RADIL: variants seen among roughly 807,000 people sequenced by gnomAD.
RADIL encodes ras-associating and dilute domain-containing protein.
RADIL carries 99 observed loss-of-function variants against 97.6 expected under a neutral mutation model. The observed-to-expected ratio is 1.01, with a 90% CI of 0.86 to 1.20. RADIL has a LOEUF of 1.20. Ranked by LOEUF, RADIL falls within the 50% of genes most tolerant of loss-of-function variation. The probability of loss-of-function intolerance (pLI) is 0.00; values close to 1 mark genes in which losing one functional copy is unlikely to be tolerated. For missense variants in RADIL, 1,765 were observed against 1,498.9 expected, an observed-to-expected ratio of 1.18 and a Z score of -2.93; for synonymous variants, 803 against 691.8, an observed-to-expected ratio of 1.16 and a Z score of -2.52.
Position 4,801,641 on chromosome 7 carries a change from G to C in RADIL, c.2842+12C>G, listed in dbSNP as rs770810396. 3 of 1,584,600 alleles carry C rather than the reference G, an allele frequency of 1.9e-6. No homozygotes were observed. Among genetic ancestry groups the C allele is most frequent in the South Asian group, 2.3e-5 (2 of 87,482 alleles). On this transcript the variant is annotated intron_variant, in intron 12 of 14. Coordinates refer to ENST00000399583, the MANE Select transcript of RADIL (RefSeq NM_018059.5). ...GGGGTGGGTTCCCGCCTGAGCACCA[G>C]GCAGGGCTCACCTTCCGGAGCTGCA...
chr7:4,873,940 ACCT>A lies in RADIL; in HGVS notation c.535+3662_535+3664del, dbSNP rs1386189376. 1.3e-5 allele frequency among the ~76,000 whole-genome samples: 2 copies of A among 151,972 alleles called. No individual in the cohort carries two copies. The highest frequency in any genetic ancestry group is 1.5e-5 in the Non-Finnish European group (1 of 68,004). On this transcript the variant is annotated intron_variant, in intron 2 of 14. Coordinates refer to ENST00000399583, the MANE Select transcript of RADIL (RefSeq NM_018059.5). This position sits in a 1 kb window ranked among gnomAD's most constrained non-coding sequence, Gnocchi z 4.3. ...ACAGTGAAAAACCCCTCGGCTTCCC[ACCT>A]CCTCCCCTTCTCTGGCTCTCAGTCG...
intron 2 of RADIL, among the ~76,000 whole-genome samples, chr7:4,870,117 G>A (rs1784219549): frequency 1.3e-5 from 2 of 152,212 alleles, no homozygotes; most frequent in Admixed American, 1.3e-4. Flanking sequence ...GCTAGCCTGG[G>A]CAACAGAGTA....
At chr7:4,847,584 G>C (rs182204009) in intron 2 of RADIL, among the ~76,000 whole-genome samples, 1 of 152,114 alleles carries the variant, frequency 6.6e-6, no homozygotes. Context: ...CAACAAGGGA[G>C]AAATAATCCA....
At position 4,822,684 on chromosome 7, in the gene RADIL, C is replaced by A; in HGVS notation, c.1455-130G>T. 1 of 1,087,490 alleles carries A rather than the reference C, an allele frequency of 9.2e-7. No homozygotes were observed. Among genetic ancestry groups the A allele is most frequent in the Admixed American group, 2.6e-5 (1 of 38,136 alleles). 67.4% of individuals were successfully genotyped at this position (1,087,490 alleles called of 1,614,324 possible). A position where few individuals can be genotyped will look rare whatever the true frequency, so the allele number is the denominator to read the frequency against. On this transcript the variant is annotated intron_variant, in intron 5 of 14. Coordinates refer to ENST00000399583, the MANE Select transcript of RADIL (RefSeq NM_018059.5). The surrounding 1 kb of genome is among the most constrained non-coding windows in gnomAD (Gnocchi z 5.3). Reference sequence around the variant, plus strand: ...AACAACTGCAACCATCAACCTGACACTGCTGGGCGGGGACGTTTAACAATA... The same window carrying A: ...AACAACTGCAACCATCAACCTGACAATGCTGGGCGGGGACGTTTAACAATA...
chr7:4,835,066 G>A lies in RADIL; in HGVS notation c.957C>T (p.Pro319=), dbSNP rs1410143599. Residue 319 remains proline (P), a synonymous_variant, in exon 4 of 15, where the codon CCC becomes CCT. Coordinates refer to ENST00000399583, the MANE Select transcript of RADIL (RefSeq NM_018059.5). The surrounding 1 kb of genome is among the most constrained non-coding windows in gnomAD (Gnocchi z 5.8). ...GQAAGRLVLE[P]IPGAHISVNF... is the part of the protein sequence containing the mutation. The stretch of plus-strand genomic sequence containing the variant: ...TGACGGAGATGTGCGCCCCGGGGAT[G>A]GGCTCCAGGACCAGCCTCCCCGCGG... The A allele has an allele frequency of 6.2e-7, 1 of 1,607,862 alleles. No homozygotes were observed. Among genetic ancestry groups the A allele is most frequent in the Non-Finnish European group, 8.5e-7 (1 of 1,177,714 alleles).
Position 4,834,118 on chromosome 7 carries a change from C to G in RADIL, c.1416+489G>C, listed in dbSNP as rs1258594636. Among the ~76,000 whole-genome samples, 13 of 152,168 alleles carry G rather than the reference C, an allele frequency of 8.5e-5. No homozygotes were observed. The highest frequency in any genetic ancestry group is 8.5e-4 in the Admixed American group (13 of 15,288). ...ACAAAAGGTGACGGGCCCTGCACCTCCAAACTCGGATCAGGGATGGCTCCA... is the reference window on the plus strand; with the variant it reads ...ACAAAAGGTGACGGGCCCTGCACCTGCAAACTCGGATCAGGGATGGCTCCA... On this transcript the variant is annotated intron_variant, in intron 4 of 14. Coordinates refer to ENST00000399583, the MANE Select transcript of RADIL (RefSeq NM_018059.5). This position sits in a 1 kb window ranked among gnomAD's most constrained non-coding sequence, Gnocchi z 6.0.
chr7:4,876,144 A>G (rs1784371751), intron 2 of RADIL, among the ~76,000 whole-genome samples: 1 of 151,972 alleles, frequency 6.6e-6, no homozygotes. Context: ...ATGCACCACC[A>G]TGCCTGGCTA....
chr7:4,802,608 A>G (rs1368995207), intron 11 of RADIL, among the ~76,000 whole-genome samples: 1 of 125,244 alleles, frequency 8.0e-6, no homozygotes, highest in Non-Finnish European at 1.7e-5. Context: ...CTCCCCGGGT[A>G]CCTCGGGGCA....
chr7:4,822,253 G>T lies in RADIL; in HGVS notation c.1615+141C>A. The T allele has an allele frequency of 9.0e-7, 1 of 1,107,346 alleles. No homozygotes were observed. Among genetic ancestry groups the T allele is most frequent in the Non-Finnish European group, 1.2e-6 (1 of 802,234 alleles). The allele number at this position is 1,107,346 out of a possible 1,614,324, so 68.6% of individuals were successfully genotyped here. A position where few individuals can be genotyped will look rare whatever the true frequency, so the allele number is the denominator to read the frequency against. ...GCCGTCCCCGAGCAACTGACACATG[G>T]CAGCCTAGGGACTGAGGAAGCCCCC... On this transcript the variant is annotated intron_variant, in intron 6 of 14. Transcript: ENST00000399583. The surrounding 1 kb of genome is among the most constrained non-coding windows in gnomAD (Gnocchi z 5.3).
At chr7:4,861,834 G>GCACGTCCCCAACCACCGCGACCTT in intron 2 of RADIL, 1 of 1,268,420 alleles carries the variant, frequency 7.9e-7, no homozygotes, top group Non-Finnish European at 1.0e-6. Context: ...CCCCGCCAGG[G>GCACGTCCCCAACCACCGCGACCTT]CACGTCCCCC....
At chr7:4,881,259 C>T (rs1301268460) in intron 1 of RADIL, among the ~76,000 whole-genome samples, 1 of 140,476 alleles carries the variant, frequency 7.1e-6, no homozygotes, top group Non-Finnish European at 1.5e-5. Context: ...ACTAAAAATA[C>T]AAAAAATTAG....
Position 4,873,654 on chromosome 7 carries a change from C to A in RADIL, c.535+3951G>T, listed in dbSNP as rs1393821788. Among the ~76,000 whole-genome samples the A allele has an allele frequency of 6.6e-6, 1 of 152,202 alleles. No homozygotes were observed. Among genetic ancestry groups the A allele is most frequent in the Non-Finnish European group, 1.5e-5 (1 of 68,038 alleles). On this transcript the variant is annotated intron_variant, in intron 2 of 14. Transcript: ENST00000399583. This position sits in a 1 kb window ranked among gnomAD's most constrained non-coding sequence, Gnocchi z 4.3. The stretch of plus-strand genomic sequence containing the variant: ...CAGTAGGATTTGTTTCACTGCAGCC[C>A]CCCACCTTCCCCCAAAGCGACACGG...
chr7:4,805,718 TG>T lies in RADIL; in HGVS notation c.2140-3del. 6.2e-7 allele frequency: 1 copy of T among 1,605,362 alleles called. No individual in the cohort carries two copies. The highest frequency in any genetic ancestry group is 8.5e-7 in the Non-Finnish European group (1 of 1,175,888). On this transcript the variant is annotated splice_polypyrimidine_tract_variant and splice_region_variant and intron_variant, in intron 9 of 14. Coordinates refer to ENST00000399583, the MANE Select transcript of RADIL (RefSeq NM_018059.5). ...AGCCCGCAGGGCTGTCCAGCTCATCTGGGTGACAAGAAGGAGCTCATGGTCA... is the reference window on the plus strand; with the variant it reads ...AGCCCGCAGGGCTGTCCAGCTCATCTGGTGACAAGAAGGAGCTCATGGTCA...
chr7:4,816,201 C>CCCCTCAACCCTGCACGAGG, intron 8 of RADIL, 27 bp downstream of exon 8: 2 of 1,586,364 alleles, frequency 1.3e-6, no homozygotes, highest in Non-Finnish European at 1.7e-6. Context: ...GAGCCCCCGA[C>CCCCTCAACCCTGCACGAGG]CCCTCAACCC....
rs1371726332 is a variant in RADIL at position 4,860,006 on chromosome 7, G to A, written c.535+17599C>T. On this transcript the variant is annotated intron_variant, in intron 2 of 14. Coordinates refer to ENST00000399583, the MANE Select transcript of RADIL (RefSeq NM_018059.5). ...CATGGCCTTTGGTGATGGAGAAATGGCAGGCTGAGAGACAGCGTGAGGAAT... is the reference window on the plus strand; with the variant it reads ...CATGGCCTTTGGTGATGGAGAAATGACAGGCTGAGAGACAGCGTGAGGAAT... 6.8e-6 allele frequency: 11 copies of A among 1,613,816 alleles called. No homozygotes were observed. The South Asian group carries it at 9.9e-5, about 14-fold the overall frequency.
chr7:4,808,483 A>C, intron 9 of RADIL: 15 of 680,928 alleles, frequency 2.2e-5, no homozygotes, highest in Non-Finnish European at 2.4e-5. Context: ...CTATTTTTAT[A>C]GGGCCCCCAA....
In RADIL at chr7:4,814,673, T is replaced by C. The variant is rs950218798; in HGVS notation, c.2139+605A>G. ...GCGGTCACGGCCACACAGTGCACTC[T>C]CACAGCTCCGCGGCTCCACAGCTCA... is the stretch of plus-strand genomic sequence containing the variant. On this transcript the variant is annotated intron_variant, in intron 9 of 14. Transcript: ENST00000399583. This position sits in a 1 kb window ranked among gnomAD's most constrained non-coding sequence, Gnocchi z 4.5. 7.9e-5 allele frequency among the ~76,000 whole-genome samples: 12 copies of C among 152,298 alleles called. No homozygotes were observed. Among genetic ancestry groups the C allele is most frequent in the African/African-American group, 2.9e-4 (12 of 41,564 alleles).
At chr7:4,800,117 A>T (rs1275350659) in intron 13 of RADIL, 54 bp downstream of exon 13, 1 of 1,556,356 alleles carries the variant, frequency 6.4e-7, no homozygotes, top group African/African-American at 1.4e-5. Context: ...TTGCATGAAC[A>T]GGCGGGGCCA....
chr7:4,870,352 G>A (rs10266401), intron 2 of RADIL, among the ~76,000 whole-genome samples: 86,401 of 152,152 alleles, frequency 0.57, 28,157 homozygotes, highest in African/African-American at 0.87. Flanking sequence ...ACGCTACTCA[G>A]TATGATTTAA....
Sources: gnomAD v4.1 joint callset for allele counts (sites outside exome capture counted in the v4.1 genomes callset) on GRCh38, gnomAD v4.1.1 for gene constraint, Gnocchi (gnomAD v3.1) non-coding constraint, MANE v1.5 for transcripts, NCBI Gene and HGNC (gene_info 2026-07-23, HGNC 2026-07-21) for gene names.